NTM: variants seen among roughly 807,000 people sequenced by gnomAD.
NTM encodes the protein IgLON family member 2.
In NTM, 13 loss-of-function variants were observed where a neutral mutation model predicts 42.1. The observed-to-expected ratio is 0.31, with a 90% CI of 0.20 to 0.49. The LOEUF (loss-of-function observed/expected upper bound fraction) is 0.49, where lower values mean the gene tolerates loss of function less well. Among genes scored for constraint, NTM ranks in the 20% least tolerant of loss-of-function variants. The probability of loss-of-function intolerance (pLI) is 0.99; values close to 1 mark genes in which losing one functional copy is unlikely to be tolerated. For synonymous variants in NTM, 187 were observed against 179.2 expected (o/e 1.04, Z -0.35); for missense variants, 373 against 452.8 (o/e 0.82, Z 1.60).
At chr11:132,320,509 C>T (rs184107280) in intron 7 of NTM, among the ~76,000 whole-genome samples, 2 of 152,170 alleles carry the variant, frequency 1.3e-5, no homozygotes, top group Non-Finnish European at 2.9e-5. Context: ...TATCCCCCAG[C>T]TGGCTCGGAG....
At chr11:131,985,539 G>A (rs1282669515) in intron 2 of NTM, among the ~76,000 whole-genome samples, 1 of 152,160 alleles carries the variant, frequency 6.6e-6, no homozygotes, top group Non-Finnish European at 1.5e-5. Context: ...GGCCTCAGGC[G>A]GCATCCGGGA....
chr11:131,891,065 T>C (rs564325694), intron 1 of NTM, among the ~76,000 whole-genome samples: 6 of 152,294 alleles, frequency 3.9e-5, no homozygotes, highest in African/African-American at 1.4e-4. Flanking sequence ...CATGGGCACA[T>C]TGATTTAGAT....
intron 3 of NTM, among the ~76,000 whole-genome samples, chr11:132,192,697 G>T (rs1017060598): frequency 4.6e-5 from 7 of 152,162 alleles, no homozygotes; most frequent in East Asian, 1.9e-4. Flanking sequence ...CACTTAAAAG[G>T]CATAGTGTGT....
At chr11:132,315,733 T>C (rs1414265085) in intron 7 of NTM, among the ~76,000 whole-genome samples, 1 of 152,142 alleles carries the variant, frequency 6.6e-6, no homozygotes, top group Non-Finnish European at 1.5e-5. Context: ...CACCACACGA[T>C]CTCTGCTCAC....
intron 1 of NTM, among the ~76,000 whole-genome samples, chr11:131,715,607 A>C (rs935521139): frequency 6.6e-6 from 1 of 152,120 alleles, no homozygotes; most frequent in Non-Finnish European, 1.5e-5. Flanking sequence ...AAGTTTCCTC[A>C]TTTCTTTTTG....
intron 1 of NTM, among the ~76,000 whole-genome samples, chr11:131,499,943 A>G (rs383365): frequency 1 from 151,736 of 152,374 alleles, 75,551 homozygotes; most frequent in East Asian, 1. Flanking sequence ...CACTGCCAAG[A>G]AAACCCCTGG....
intron 7 of NTM, among the ~76,000 whole-genome samples, chr11:132,320,796 G>T (rs1282196280): frequency 1.3e-5 from 2 of 151,682 alleles, no homozygotes; most frequent in African/African-American, 4.9e-5. Context: ...TTTGAAGAGA[G>T]CAGTGGTTCT....
intron 2 of NTM, among the ~76,000 whole-genome samples, chr11:132,117,926 C>T (rs903581092): frequency 6.6e-6 from 1 of 152,218 alleles, no homozygotes; most frequent in African/African-American, 2.4e-5. Flanking sequence ...TGTCTGTGCT[C>T]ATACCCTCAA....
intron 1 of NTM, among the ~76,000 whole-genome samples, chr11:131,793,666 C>G (rs1328054089): frequency 6.6e-6 from 1 of 152,210 alleles, no homozygotes; most frequent in Non-Finnish European, 1.5e-5. Context: ...CTTTAGACCA[C>G]TGGAAACCCC....
chr11:131,411,499 G>A (rs562276084), intron 1 of NTM, among the ~76,000 whole-genome samples: 1 of 151,750 alleles, frequency 6.6e-6, no homozygotes, highest in African/African-American at 2.4e-5. Flanking sequence ...CAAGACTAAG[G>A]GGATGGAGAG....
chr11:132,305,377 A>G lies in NTM; in HGVS notation c.527-2312A>G, dbSNP rs149492124. ...CTATCAGTCCCTGCTCCGACCCTGG[A>G]GCTCAATCCAGAAACAGCTGTCCAG... On this transcript the variant is annotated intron_variant, in intron 4 of 8. Coordinates refer to ENST00000683400, the MANE Select transcript of NTM (RefSeq NM_001352005.2). Among the ~76,000 whole-genome samples the G allele has an allele frequency of 8.0e-3, 1,224 of 152,338 alleles. 23 individuals are homozygous for G. Among genetic ancestry groups the G allele is most frequent in the African/African-American group, 0.028 (1,155 of 41,572 alleles).
At chr11:131,728,616 G>T (rs1172230583) in intron 1 of NTM, among the ~76,000 whole-genome samples, 2 of 152,190 alleles carry the variant, frequency 1.3e-5, no homozygotes, top group African/African-American at 2.4e-5. Context: ...GGAACACTAA[G>T]CATGTGGGGG....
rs559304772 is a variant in NTM, at chr11:132,300,746, C to T, written c.527-6943C>T. On this transcript the variant is annotated intron_variant, in intron 4 of 8. Transcript: ENST00000683400. ...AATTCCATATTACTGTGCCTCTCAG[C>T]ACCCATCTGCCTGCCTGGGACCCTC... 3.9e-5 allele frequency among the ~76,000 whole-genome samples: 6 copies of T among 152,328 alleles called. No homozygotes were observed. In the South Asian group the frequency reaches 1.2e-3, roughly 32 times the overall value.
intron 1 of NTM, among the ~76,000 whole-genome samples, chr11:131,623,983 G>A (rs568673206): frequency 5.9e-5 from 9 of 152,320 alleles, no homozygotes; most frequent in South Asian, 2.1e-4. Flanking sequence ...TGCTCTGACC[G>A]AGGTCACTAA....
At chr11:131,876,998 ACAGG>A (rs2137184366) in intron 1 of NTM, among the ~76,000 whole-genome samples, 1 of 152,140 alleles carries the variant, frequency 6.6e-6, no homozygotes, top group South Asian at 2.1e-4. Flanking sequence ...AACTGGGATT[ACAGG>A]CATGAGCCAC....
At chr11:131,992,706 A>G (rs750739272) in intron 2 of NTM, among the ~76,000 whole-genome samples, 2 of 152,162 alleles carry the variant, frequency 1.3e-5, no homozygotes, top group Non-Finnish European at 2.9e-5. Context: ...ATACTTTTCT[A>G]TGTTCCTCTT....
At chr11:132,097,690 T>C (rs2136498344) in intron 2 of NTM, among the ~76,000 whole-genome samples, 1 of 152,348 alleles carries the variant, frequency 6.6e-6, no homozygotes, top group South Asian at 2.1e-4. Flanking sequence ...GTCTTGAACA[T>C]AGAGCCTGGA....
At chr11:131,989,917 C>A (rs555163120) in intron 2 of NTM, among the ~76,000 whole-genome samples, 1 of 152,140 alleles carries the variant, frequency 6.6e-6, no homozygotes, top group Admixed American at 6.5e-5. Context: ...TTGGCTCAAG[C>A]AAATCAAATG....
chr11:132,128,443 A>G (rs1397020995), intron 2 of NTM, among the ~76,000 whole-genome samples: 1 of 152,176 alleles, frequency 6.6e-6, no homozygotes, highest in Admixed American at 6.5e-5. Flanking sequence ...GCAGGACATC[A>G]GATGTTGCCT....
Sources: allele counts gnomAD v4.1 joint callset (sites outside exome capture counted in the v4.1 genomes callset), GRCh38; gene constraint gnomAD v4.1.1; transcripts MANE v1.5; gene names NCBI Gene and HGNC (gene_info 2026-07-23, HGNC 2026-07-21).